Variants in FAAH2 observed in about 807,000 individuals in gnomAD.
FAAH2 encodes the protein fatty-acid amide hydrolase 2.
A neutral mutation model predicts 36.9 loss-of-function variants in FAAH2; 60 were observed. The observed-to-expected ratio is 1.63, with a 90% CI of 1.32 to 2.02. The LOEUF is 2.02. Among genes scored for constraint, FAAH2 ranks in the 30% most tolerant of loss-of-function variants. The pLI is 0.00. For missense variants in FAAH2, 689 were observed against 397.5 expected (o/e 1.73, Z -6.23); for synonymous variants, 214 against 143.8 (o/e 1.49, Z -3.49).
In FAAH2 at chrX:57,359,970, GT is replaced by G. The variant is rs763849674; in HGVS notation, c.742+18593del. Reference sequence around the variant, plus strand: ...ACATAGTGTTTTTATTTTTCAGGGTGTTTTTTTTTTTTTCTCAGCCCTTTGA... The same window carrying G: ...ACATAGTGTTTTTATTTTTCAGGGTGTTTTTTTTTTTTCTCAGCCCTTTGA... On this transcript the variant is annotated intron_variant, in intron 5 of 10. Coordinates refer to ENST00000374900, the MANE Select transcript of FAAH2 (RefSeq NM_174912.4). Among the ~76,000 whole-genome samples the G allele has an allele frequency of 6.2e-3, 612 of 98,661 alleles. 1 individual carries two copies. The highest frequency in any genetic ancestry group is 0.011 in the Middle Eastern group (2 of 190). The allele number at this position is 98,661 out of a possible 115,157, so 85.7% of individuals were successfully genotyped here.
the FAAH2 span, among the ~76,000 whole-genome samples, chrX:57,185,708 T>C: frequency 9.1e-6 from 1 of 110,058 alleles, no homozygotes; most frequent in Admixed American, 9.7e-5. Context: ...TCCCTCGCCT[T>C]TCCCCCCACC....
the FAAH2 span, among the ~76,000 whole-genome samples, chrX:57,199,915 T>A: frequency 3.6e-5 from 4 of 111,876 alleles, no homozygotes; most frequent in Admixed American, 3.8e-4. Flanking sequence ...ACTTCCTCTC[T>A]TTTTAAGTTT....
chrX:57,417,277 G>A lies in FAAH2; in HGVS notation c.997-14641G>A, dbSNP rs1379431703. 3.6e-5 allele frequency among the ~76,000 whole-genome samples: 4 copies of A among 111,974 alleles called. No individual in the cohort carries two copies. The Admixed American group carries it at 3.8e-4, about 11-fold the overall frequency. ...CCAGTTTTGTTCCCTTGCTGGTGAGGAGTTGTAATCTTTTGGAGGAGAAGC... is the reference window on the plus strand; with the variant it reads ...CCAGTTTTGTTCCCTTGCTGGTGAGAAGTTGTAATCTTTTGGAGGAGAAGC... On this transcript the variant is annotated intron_variant, in intron 7 of 10. Transcript: ENST00000374900.
chrX:57,470,183 A>G (rs74646786), intron 10 of FAAH2, among the ~76,000 whole-genome samples: 2 of 111,323 alleles, frequency 1.8e-5, no homozygotes, highest in African/African-American at 6.5e-5. Flanking sequence ...TATCACAATT[A>G]AAAGAACTAT....
chrX:57,155,439 T>G, the FAAH2 span, among the ~76,000 whole-genome samples: 3 of 111,482 alleles, frequency 2.7e-5, no homozygotes, highest in Non-Finnish European at 3.8e-5. Flanking sequence ...ATCAAGGAAG[T>G]TGGGGAAGCT....
chrX:57,376,191 GT>G (rs1011733899), intron 5 of FAAH2, among the ~76,000 whole-genome samples: 4 of 110,381 alleles, frequency 3.6e-5, no homozygotes, highest in Non-Finnish European at 5.7e-5. Flanking sequence ...GATCATTTTT[GT>G]TTTTTTCTCC....
At chrX:57,218,026 C>T in the FAAH2 span, among the ~76,000 whole-genome samples, 2 of 111,863 alleles carry the variant, frequency 1.8e-5, no homozygotes, top group Non-Finnish European at 3.8e-5. Context: ...AGAAAAGCTA[C>T]TGATTTGTGT....
chrX:57,413,058 C>A (rs1602577402), intron 7 of FAAH2, among the ~76,000 whole-genome samples: 2 of 112,114 alleles, frequency 1.8e-5, no homozygotes, highest in South Asian at 3.7e-4. Context: ...GCTTCACCCA[C>A]TTTTTGGTGA....
At chrX:57,170,560 T>G in the FAAH2 span, among the ~76,000 whole-genome samples, 1 of 111,619 alleles carries the variant, frequency 9.0e-6, no homozygotes, top group South Asian at 3.8e-4. Flanking sequence ...TTGTACCCAA[T>G]AAGTAGTTTT....
At chrX:57,425,082 A>G (rs907964878) in intron 7 of FAAH2, among the ~76,000 whole-genome samples, 1 of 111,820 alleles carries the variant, frequency 8.9e-6, no homozygotes, top group African/African-American at 3.2e-5. Flanking sequence ...GAATTACAAC[A>G]TACAATTAAA....
the FAAH2 span, among the ~76,000 whole-genome samples, chrX:57,164,048 G>A: frequency 1.8e-5 from 2 of 112,411 alleles, no homozygotes; most frequent in Non-Finnish European, 3.7e-5. Context: ...ATGGCAAGAT[G>A]TGATTGTCAA....
At position 57,448,493 on chromosome X, in the gene FAAH2, C is replaced by T. The variant is rs1272662064; in HGVS notation, c.1229-31C>T. On this transcript the variant is annotated intron_variant, in intron 9 of 10. Transcript: ENST00000374900. ...CTAGGAATTAAAATGAAGTTTATTA[C>T]CTTAACTTGATATATGATATCATTC... The T allele has an allele frequency of 2.6e-6, 3 of 1,156,348 alleles. No homozygotes were observed. In the East Asian group the frequency reaches 9.1e-5, roughly 35 times the overall value.
chrX:57,445,343 A>G (rs1436335575), intron 8 of FAAH2, among the ~76,000 whole-genome samples: 1 of 111,617 alleles, frequency 9.0e-6, no homozygotes, highest in Non-Finnish European at 1.9e-5. Context: ...CTTTCCCTCA[A>G]TATGAAGGAG....
At chrX:57,348,096 C>G (rs1385714064) in intron 5 of FAAH2, among the ~76,000 whole-genome samples, 1 of 110,554 alleles carries the variant, frequency 9.0e-6, no homozygotes, top group East Asian at 2.9e-4. Context: ...CTTCCCTGCA[C>G]TCACCATTGA....
At chrX:57,323,072 G>C (rs891332980) in intron 3 of FAAH2, among the ~76,000 whole-genome samples, 1 of 111,007 alleles carries the variant, frequency 9.0e-6, no homozygotes, top group East Asian at 2.8e-4. Context: ...CTATGAGTAA[G>C]AACATGCGGT....
intron 8 of FAAH2, among the ~76,000 whole-genome samples, chrX:57,442,845 A>G (rs1445979014): frequency 1.8e-5 from 2 of 110,732 alleles, no homozygotes. Context: ...TCTGTAAAGG[A>G]TTTCATTTCT....
chrX:57,395,815 T>C (rs960344993), intron 7 of FAAH2, among the ~76,000 whole-genome samples: 1 of 112,034 alleles, frequency 8.9e-6, no homozygotes, highest in Non-Finnish European at 1.9e-5. Flanking sequence ...AAGGTTTTTT[T>C]ATTCTTTCCT....
chrX:57,407,534 A>T (rs985615464), intron 7 of FAAH2, among the ~76,000 whole-genome samples: 15 of 111,905 alleles, frequency 1.3e-4, no homozygotes, highest in African/African-American at 4.5e-4. Flanking sequence ...TCTCTGCCAG[A>T]TTTTTGCTGC....
chrX:57,413,378 C>G (rs961443757), intron 7 of FAAH2, among the ~76,000 whole-genome samples: 1 of 112,040 alleles, frequency 8.9e-6, no homozygotes, highest in African/African-American at 3.2e-5. Context: ...AGTCTTTAAT[C>G]CATCTTGAGT....
Sources: allele counts gnomAD v4.1 joint callset (sites outside exome capture counted in the v4.1 genomes callset), GRCh38; gene constraint gnomAD v4.1.1; transcripts MANE v1.5; gene names NCBI Gene and HGNC (gene_info 2026-07-23, HGNC 2026-07-21).